MYBBP1A: variants seen among roughly 807,000 people sequenced by gnomAD.
The protein encoded by MYBBP1A is myb-binding protein 1A.
A neutral mutation model predicts 136.3 loss-of-function variants in MYBBP1A; 147 were observed. The observed-to-expected ratio is 1.08, with a 90% CI of 0.94 to 1.24. The LOEUF is 1.24. Ranked by LOEUF, MYBBP1A falls within the 50% of genes most tolerant of loss-of-function variation. MYBBP1A has a pLI of 0.00. For synonymous variants in MYBBP1A, 947 were observed against 735.8 expected, an observed-to-expected ratio of 1.29 and a Z score of -4.65; for missense variants, 2,060 against 1,727.4, an observed-to-expected ratio of 1.19 and a Z score of -3.41.
chr17:4,548,531 A>G lies in MYBBP1A; in HGVS notation c.1549T>C (p.Phe517Leu). ...GGGCTGCCCAAGACTCACCTGAAGAAGGCACTGCTGACAGCCTCTCGGGCC... is the reference window on the plus strand; with the variant it reads ...GGGCTGCCCAAGACTCACCTGAAGAGGGCACTGCTGACAGCCTCTCGGGCC... ...NQAREAVSSAFFSLLQTLSTQ... is the reference protein window; with the variant it reads ...NQAREAVSSALFSLLQTLSTQ... The change falls in exon 11 of 26, where the codon TTC becomes CTC. Residue 517 changes from phenylalanine (F) to leucine (L), a missense_variant. Transcript: ENST00000254718. This position sits in a 1 kb window ranked among gnomAD's most constrained non-coding sequence, Gnocchi z 4.2. 1 of 1,614,088 alleles carries G rather than the reference A, an allele frequency of 6.2e-7. No homozygotes were observed. Among genetic ancestry groups the G allele is most frequent in the Non-Finnish European group, 8.5e-7 (1 of 1,180,026 alleles).
In MYBBP1A at chr17:4,545,928, G is replaced by A. The variant is rs1906976009; in HGVS notation, c.1839C>T (p.Ser613=). ...TCTGGATGTCACCCAGCAGGTCACA[G>A]CTCTCTGCAGGGGACTGCGGGCAGG... The part of the protein sequence containing the change: ...GIHLLKSPAE[S]CDLLGDIQTC... Residue 613 remains serine, a synonymous_variant, in exon 14 of 26, where the codon AGC becomes AGT. Coordinates refer to ENST00000254718, the MANE Select transcript of MYBBP1A (RefSeq NM_014520.4). 6.2e-7 allele frequency: 1 copy of A among 1,613,238 alleles called. No individual in the cohort carries two copies. The highest frequency in any genetic ancestry group is 8.5e-7 in the Non-Finnish European group (1 of 1,179,960).
chr17:4,548,471 C>G lies in MYBBP1A; in HGVS notation c.1556+53G>C. On this transcript the variant is annotated intron_variant, in intron 11 of 25. Coordinates refer to ENST00000254718, the MANE Select transcript of MYBBP1A (RefSeq NM_014520.4). The surrounding 1 kb of genome is among the most constrained non-coding windows in gnomAD (Gnocchi z 4.2). ...GCTTAGGGGACCTGGAGGGAGCAGG[C>G]GCCCTCAAGGCCTTCCCACCTTCGG... The G allele has an allele frequency of 6.2e-7, 1 of 1,612,448 alleles. No homozygotes were observed. The highest frequency in any genetic ancestry group is 1.1e-5 in the South Asian group (1 of 91,012).
At chr17:4,554,300 G>A in intron 2 of MYBBP1A, 22 bp from the exon 3 acceptor site, 3 of 1,609,160 alleles carry the variant, frequency 1.9e-6, no homozygotes, top group Non-Finnish European at 2.6e-6. Context: ...TGTGTGGCAG[G>A]AGGAAGAGGG....
chr17:4,540,099 C>T, intron 25 of MYBBP1A, 132 bp from the exon 26 acceptor site: 1 of 1,222,162 alleles, frequency 8.2e-7, no homozygotes, highest in Non-Finnish European at 1.1e-6. Flanking sequence ...TATGAGGGTC[C>T]CGTGAGGGTC....
intron 19 of MYBBP1A, 151 bp from the exon 20 acceptor site, chr17:4,543,316 G>T: frequency 9.3e-7 from 1 of 1,070,610 alleles, no homozygotes; most frequent in Non-Finnish European, 1.3e-6. Flanking sequence ...GCCCAGGGCC[G>T]CCTGCAGGCT....
At position 4,545,010 on chromosome 17, in the gene MYBBP1A, C is replaced by A. The variant is rs1348701056; in HGVS notation, c.2310+16G>T. 2.0e-6 allele frequency: 3 copies of A among 1,477,040 alleles called. No individual in the cohort carries two copies. Among genetic ancestry groups the A allele is most frequent in the African/African-American group, 2.9e-5 (2 of 69,960 alleles). The allele number at this position is 1,477,040 out of a possible 1,614,324, so 91.5% of individuals were successfully genotyped here. ...AGCCCTCCCCGGCCGCCCCCCCCTC[C>A]ACCTCCCCCACTCACCAGCGCCTTC... On this transcript the variant is annotated intron_variant, in intron 17 of 25. Transcript: ENST00000254718.
At position 4,553,836 on chromosome 17, in the gene MYBBP1A, T is replaced by C; in HGVS notation, c.535A>G (p.Lys179Glu). ...YQNHLQEQPR[K>E]ALVDILSEVS... is the part of the protein sequence containing the mutation. ...TCGGAGAGGATGTCCACCAGGGCCTTCCGGGGCTGCTCCTGCAAGTGGTTT... is the reference window on the plus strand; with the variant it reads ...TCGGAGAGGATGTCCACCAGGGCCTCCCGGGGCTGCTCCTGCAAGTGGTTT... The change falls in exon 5 of 26, where the codon AAG (lysine) becomes GAG (glutamate). Residue 179 changes from lysine to glutamate, a missense_variant. Lys to Glu is a moderately conservative substitution (Grantham distance 56). Transcript: ENST00000254718. The C allele has an allele frequency of 6.2e-7, 1 of 1,614,058 alleles. No individual in the cohort carries two copies. The highest frequency in any genetic ancestry group is 8.5e-7 in the Non-Finnish European group (1 of 1,180,036).
At chr17:4,541,377 A>C (rs1261675759) in intron 24 of MYBBP1A, 86 bp downstream of exon 24, 10 of 1,182,170 alleles carry the variant, frequency 8.5e-6, no homozygotes, top group Non-Finnish European at 1.1e-5. Flanking sequence ...CCTGCAGTCC[A>C]GCCCGGGCAT....
rs201146699 is a variant in MYBBP1A, at chr17:4,552,563, G to C, written c.625C>G (p.Leu209Val). 6.2e-7 allele frequency: 1 copy of C among 1,613,958 alleles called. No homozygotes were observed. The highest frequency in any genetic ancestry group is 1.3e-5 in the African/African-American group (1 of 74,930). ...AGCTCTAGCTGTTCAGGGGAGCTGAGTATTATATTCAAGTCGGCTTTGAGG... is the reference window on the plus strand; with the variant it reads ...AGCTCTAGCTGTTCAGGGGAGCTGACTATTATATTCAAGTCGGCTTTGAGG... ...EVLKADLNII[L>V]SSPEQLELFL... is the part of the protein sequence containing the mutation. Residue 209 changes from leucine to valine, a missense_variant, in exon 6 of 26, where the codon CTC becomes GTC. Physicochemically the swap from Leu to Val is conservative, Grantham distance 32. Coordinates refer to ENST00000254718, the MANE Select transcript of MYBBP1A (RefSeq NM_014520.4). This position sits in a 1 kb window ranked among gnomAD's most constrained non-coding sequence, Gnocchi z 4.7.
intron 19 of MYBBP1A, among the ~76,000 whole-genome samples, chr17:4,543,743 G>A (rs2144441138): frequency 6.6e-6 from 1 of 152,070 alleles, no homozygotes; most frequent in African/African-American, 2.4e-5. Flanking sequence ...CCTGAGCTCT[G>A]AAGGCAGGTC....
rs372147869 is a variant in MYBBP1A at position 4,540,538 on chromosome 17, C to T, written c.3298-54G>A. On this transcript the variant is annotated intron_variant, in intron 24 of 25. Coordinates refer to ENST00000254718, the MANE Select transcript of MYBBP1A (RefSeq NM_014520.4). Reference sequence around the variant, plus strand: ...GGGCCACAGAGGGCGGGGCCTCTCGCGGGCTCCCAGTCTTCCCACCTCTGC... The same window carrying T: ...GGGCCACAGAGGGCGGGGCCTCTCGTGGGCTCCCAGTCTTCCCACCTCTGC... The T allele has an allele frequency of 4.2e-5, 64 of 1,515,810 alleles. No individual in the cohort carries two copies. The East Asian group carries it at 7.3e-4, about 17-fold the overall frequency. The allele number at this position is 1,515,810 out of a possible 1,614,324, so 93.9% of individuals were successfully genotyped here.
In MYBBP1A at chr17:4,554,956, C is replaced by A; in HGVS notation, c.199G>T (p.Gly67Trp). The A allele has an allele frequency of 6.2e-7, 1 of 1,613,478 alleles. No homozygotes were observed. Among genetic ancestry groups the A allele is most frequent in the Non-Finnish European group, 8.5e-7 (1 of 1,180,006 alleles). ...LLEYLRGRPK[G>W]SEMKYALKRL... ...TTCAGGGCATATTTCATCTCGGACC[C>A]CTGCGGAACCAAGCACACCCTCGTG... The change falls in exon 2 of 26, where the codon GGG (glycine) becomes TGG (tryptophan). Residue 67 changes from glycine (G) to tryptophan (W), a missense_variant and splice_region_variant. Gly to Trp is a radical substitution (Grantham distance 184). Transcript: ENST00000254718.
intron 15 of MYBBP1A, 119 bp downstream of exon 15, chr17:4,545,491 C>G: frequency 6.7e-7 from 1 of 1,486,548 alleles, no homozygotes; most frequent in Non-Finnish European, 9.0e-7. Context: ...CTCGTTGAGA[C>G]CCCTCCCACC....
At chr17:4,540,538 C>G (rs372147869) in intron 24 of MYBBP1A, 54 bp from the exon 25 acceptor site, 4 of 1,515,810 alleles carry the variant, frequency 2.6e-6, no homozygotes, top group Non-Finnish European at 3.5e-6. Flanking sequence ...GGGCCTCTCG[C>G]GGGCTCCCAG....
At chr17:4,549,159 C>T (rs1430587928) in intron 10 of MYBBP1A, among the ~76,000 whole-genome samples, 173 bp downstream of exon 10, 1 of 152,224 alleles carries the variant, frequency 6.6e-6, no homozygotes, top group African/African-American at 2.4e-5. Context: ...GCCTCCTGGG[C>T]CCCTTCCCTT....
chr17:4,541,327 TG>T, intron 24 of MYBBP1A, 135 bp downstream of exon 24: 1 of 782,154 alleles, frequency 1.3e-6, no homozygotes, highest in Non-Finnish European at 2.2e-6. Flanking sequence ...CCCAGAGCCC[TG>T]GCCCAGGCAC....
chr17:4,542,465 T>C lies in MYBBP1A; in HGVS notation c.3086A>G (p.Gln1029Arg), dbSNP rs762012076. 7 of 1,607,046 alleles carry C rather than the reference T, an allele frequency of 4.4e-6. No individual in the cohort carries two copies. The highest frequency in any genetic ancestry group is 6.0e-6 in the Non-Finnish European group (7 of 1,175,802). The part of the protein sequence containing the change: ...HITGPVRPRH[Q>R]ACLLLQKTLS... ...GCTGGGAGCTGGGAAGTCTCTCACC[T>C]GATGACGGGGCCGCACCGGGCCCGT... The change falls in exon 22 of 26, where the codon CAG (glutamine) becomes CGG (arginine). Residue 1029 changes from glutamine to arginine, a missense_variant and splice_region_variant. Transcript: ENST00000254718.
At chr17:4,554,130 T>G (rs1907796227) in intron 3 of MYBBP1A, 37 bp from the exon 4 acceptor site, 2 of 1,613,412 alleles carry the variant, frequency 1.2e-6, no homozygotes, top group Non-Finnish European at 1.7e-6. Context: ...TGAGGGGCCC[T>G]GGAACTCCCC....
intron 25 of MYBBP1A, 119 bp from the exon 26 acceptor site, chr17:4,540,086 CCCTATGAGGGTCCCGTGAGGGT>C (rs1009327474): frequency 2.9e-5 from 38 of 1,289,958 alleles, no homozygotes; most frequent in Middle Eastern, 2.6e-4. Context: ...TCTGTGAGGC[CCCTATGAGGGTCCCGTGAGGGT>C]CCTATGAGGG....
Sources: allele counts gnomAD v4.1 joint callset (sites outside exome capture counted in the v4.1 genomes callset), GRCh38; gene constraint gnomAD v4.1.1; non-coding constraint Gnocchi (gnomAD v3.1); transcripts MANE v1.5; gene names NCBI Gene and HGNC (gene_info 2026-07-23, HGNC 2026-07-21).